Variants in DOCK4 observed in about 807,000 individuals in gnomAD.
DOCK4 encodes dedicator of cytokinesis 4.
In DOCK4, 97 loss-of-function variants were observed where a neutral mutation model predicts 268.1. The ratio of observed to expected loss-of-function variants is 0.36; its 90% CI spans 0.31 to 0.43. The LOEUF (loss-of-function observed/expected upper bound fraction) is 0.43. Ranked by LOEUF, DOCK4 falls within the 20% of genes least tolerant of loss-of-function variation. DOCK4 has a pLI of 1.00. For missense variants in DOCK4, 2,145 were observed against 2,455.7 expected (o/e 0.87, Z 2.67); for synonymous variants, 954 against 887.2 (o/e 1.08, Z -1.34).
chr7:112,016,802 G>A (rs984208663), intron 1 of DOCK4, among the ~76,000 whole-genome samples: 3 of 152,106 alleles, frequency 2.0e-5, no homozygotes, highest in African/African-American at 7.2e-5. Flanking sequence ...AAGTGTTTCA[G>A]AAAATGAAAA....
chr7:112,095,580 T>C lies in DOCK4; in HGVS notation c.38-91449A>G, dbSNP rs147547025. 1.6e-3 allele frequency among the ~76,000 whole-genome samples: 239 copies of C among 152,304 alleles called. 1 individual carries two copies. The highest frequency in any genetic ancestry group is 5.6e-3 in the African/African-American group (232 of 41,566). On this transcript the variant is annotated intron_variant, in intron 1 of 52. Coordinates refer to ENST00000428084, the MANE Select transcript of DOCK4 (RefSeq NM_001363540.2). ...TTGTGGTGATAACTCTATCAAAAAA[T>C]GGTATCTTTTCTAATCCATGCATAC...
At chr7:111,946,572 C>A (rs1238800437) in intron 8 of DOCK4, among the ~76,000 whole-genome samples, 2 of 152,100 alleles carry the variant, frequency 1.3e-5, no homozygotes, top group African/African-American at 2.4e-5. Context: ...CTTATGCATG[C>A]CATTTATTTA....
At chr7:112,066,665 A>G (rs1446663106) in intron 1 of DOCK4, among the ~76,000 whole-genome samples, 2 of 34,736 alleles carry the variant, frequency 5.8e-5, no homozygotes, top group Non-Finnish European at 9.1e-5. Flanking sequence ...CATATTATAC[A>G]TATACATATA....
chr7:112,016,029 T>A lies in DOCK4; in HGVS notation c.38-11898A>T, dbSNP rs114427987. ...GGCAACACCTGAGTTTTTAAAAGGA[T>A]TACATTTCAACATAAGTTTTGGAGG... is the stretch of plus-strand genomic sequence containing the variant. On this transcript the variant is annotated intron_variant, in intron 1 of 52. Transcript: ENST00000428084. Among the ~76,000 whole-genome samples, 1,214 of 152,202 alleles carry A rather than the reference T, an allele frequency of 8.0e-3. 26 individuals carry two copies. Among genetic ancestry groups the A allele is most frequent in the African/African-American group, 0.027 (1,142 of 41,562 alleles).
chr7:111,932,345 T>C (rs993430507), intron 12 of DOCK4, among the ~76,000 whole-genome samples: 1 of 152,190 alleles, frequency 6.6e-6, no homozygotes, highest in African/African-American at 2.4e-5. Flanking sequence ...ATTAGTTTGG[T>C]ATTTGTTTAT....
At chr7:112,162,671 G>C (rs1311449636) in intron 1 of DOCK4, among the ~76,000 whole-genome samples, 2 of 152,092 alleles carry the variant, frequency 1.3e-5, no homozygotes, top group Non-Finnish European at 2.9e-5. Context: ...GGACTACTTT[G>C]AGGAGGGTTT....
At chr7:111,934,523 G>GTTTTT (rs1183672033) in intron 12 of DOCK4, among the ~76,000 whole-genome samples, 68 of 83,832 alleles carry the variant, frequency 8.1e-4, no homozygotes, top group Non-Finnish European at 1.2e-3. Flanking sequence ...TTTTGTTTTT[G>GTTTTT]TTTTTTTTTT....
chr7:112,109,220 A>G (rs1811407544), intron 1 of DOCK4, among the ~76,000 whole-genome samples: 1 of 152,222 alleles, frequency 6.6e-6, no homozygotes. Flanking sequence ...TGAGTACTGC[A>G]GCACTGCCTT....
chr7:112,128,298 GGGT>G (rs1563111939), intron 1 of DOCK4, among the ~76,000 whole-genome samples: 4 of 151,326 alleles, frequency 2.6e-5, no homozygotes, highest in African/African-American at 7.3e-5. Flanking sequence ...GAGGTGGGGG[GGGT>G]CAGCCCCCTG....
intron 1 of DOCK4, among the ~76,000 whole-genome samples, chr7:112,048,036 G>A (rs1047066818): frequency 6.6e-6 from 1 of 152,136 alleles, no homozygotes; most frequent in African/African-American, 2.4e-5. Flanking sequence ...TGAGGACAAT[G>A]TCTCGTGGCC....
At chr7:112,043,399 T>C (rs1247161578) in intron 1 of DOCK4, among the ~76,000 whole-genome samples, 2 of 152,200 alleles carry the variant, frequency 1.3e-5, no homozygotes, top group Non-Finnish European at 2.9e-5. Flanking sequence ...TTTTGATTAG[T>C]ACACAATGAT....
chr7:111,838,758 T>C (rs1296772821), intron 25 of DOCK4, among the ~76,000 whole-genome samples: 1 of 152,144 alleles, frequency 6.6e-6, no homozygotes, highest in African/African-American at 2.4e-5. Context: ...AAGGAAGCTT[T>C]TGAAAGTGAT....
At chr7:111,830,112 C>T (rs186764403) in intron 26 of DOCK4, among the ~76,000 whole-genome samples, 9 of 152,262 alleles carry the variant, frequency 5.9e-5, no homozygotes, top group Admixed American at 4.6e-4. Flanking sequence ...AAATTGAGCA[C>T]AGGAAACATT....
chr7:112,152,763 G>A (rs1225652411), intron 1 of DOCK4, among the ~76,000 whole-genome samples: 1 of 152,016 alleles, frequency 6.6e-6, no homozygotes, highest in Non-Finnish European at 1.5e-5. Flanking sequence ...TGGGATTATA[G>A]GCTTGAGCCA....
In DOCK4 at chr7:111,765,361, T is replaced by C. The variant is rs1394538261; in HGVS notation, c.3916-139A>G. ...CTGGAAAGAAAGTTTGACTTTCTTT[T>C]TGATGCTTTAAGTCGGGGATTGGCA... On this transcript the variant is annotated intron_variant, in intron 38 of 52. Coordinates refer to ENST00000428084, the MANE Select transcript of DOCK4 (RefSeq NM_001363540.2). 7.8e-6 allele frequency: 5 copies of C among 643,894 alleles called. No individual in the cohort carries two copies. In the Admixed American group the frequency reaches 1.8e-4, roughly 23 times the overall value. 39.9% of individuals were successfully genotyped at this position (643,894 alleles called of 1,614,324 possible).
chr7:111,782,849 G>T lies in DOCK4; in HGVS notation c.3585+15C>A, dbSNP rs745651925. The stretch of plus-strand genomic sequence containing the variant: ...TATTAGGAGAAAAGGAGAAAAAGGG[G>T]AATAGTTTACTAACCAGAAGGCTAA... On this transcript the variant is annotated intron_variant, in intron 35 of 52. Transcript: ENST00000428084. 1.9e-6 allele frequency: 3 copies of T among 1,612,766 alleles called. No individual in the cohort carries two copies. The highest frequency in any genetic ancestry group is 2.7e-5 in the African/African-American group (2 of 74,864).
chr7:111,870,931 T>C (rs1429344871), intron 20 of DOCK4, among the ~76,000 whole-genome samples: 2 of 152,168 alleles, frequency 1.3e-5, no homozygotes, highest in Non-Finnish European at 2.9e-5. Flanking sequence ...TGGGCCGATG[T>C]TTCAAAACTA....
chr7:112,047,444 A>C lies in DOCK4; in HGVS notation c.38-43313T>G, dbSNP rs371828217. Among the ~76,000 whole-genome samples, 24 of 152,340 alleles carry C rather than the reference A, an allele frequency of 1.6e-4. No individual in the cohort carries two copies. The East Asian group carries it at 3.5e-3, about 22-fold the overall frequency. On this transcript the variant is annotated intron_variant, in intron 1 of 52. Coordinates refer to ENST00000428084, the MANE Select transcript of DOCK4 (RefSeq NM_001363540.2). Reference sequence around the variant, plus strand: ...ATACAGATGTTAGAATTAGCACACAAAGACATTGGAATAGTATTATAACTG... The same window carrying C: ...ATACAGATGTTAGAATTAGCACACACAGACATTGGAATAGTATTATAACTG...
intron 6 of DOCK4, among the ~76,000 whole-genome samples, chr7:111,986,254 C>T (rs1799046342): frequency 6.6e-6 from 1 of 152,164 alleles, no homozygotes; most frequent in African/African-American, 2.4e-5. Flanking sequence ...CAGTCACATG[C>T]AGGAGGAAGA....
Sources: allele counts gnomAD v4.1 joint callset (sites outside exome capture counted in the v4.1 genomes callset), GRCh38; gene constraint gnomAD v4.1.1; transcripts MANE v1.5; gene names NCBI Gene and HGNC (gene_info 2026-07-23, HGNC 2026-07-21).